ARL17A: variants seen among roughly 807,000 people sequenced by gnomAD.
ARL17A encodes the protein ARF like GTPase 17A.
intron 3 of ARL17A, among the ~76,000 whole-genome samples, chr17:46,568,513 G>A (rs1362285839): frequency 5.4e-5 from 6 of 110,314 alleles, no homozygotes; most frequent in African/African-American, 1.1e-4. Context: ...AAAAAAAAAA[G>A]AGGGGGGGAG....
chr17:46,549,118 G>C (rs754861820), downstream of ARL17A: 7 of 1,611,572 alleles, frequency 4.3e-6, no homozygotes, highest in South Asian at 7.7e-5. Context: ...GAGTCCAAAG[G>C]TCAGAAAGAA....
At chr17:46,541,392 C>T (rs1288873052) in intron 3 of ARL17A, among the ~76,000 whole-genome samples, 1 of 148,086 alleles carries the variant, frequency 6.8e-6, no homozygotes, top group Admixed American at 6.6e-5. Flanking sequence ...GCTGGGATTA[C>T]AGGCGCATGC....
At chr17:46,537,402 C>T (rs1598425957) in intron 4 of ARL17A, 1 of 356 alleles carries the variant, frequency 2.8e-3, no homozygotes, top group South Asian at 8.8e-3. Context: ...CCCCTGACCT[C>T]GTGATCCGCC....
chr17:46,541,670 G>T (rs1380669329), intron 3 of ARL17A, among the ~76,000 whole-genome samples: 1 of 149,766 alleles, frequency 6.7e-6, no homozygotes, highest in Non-Finnish European at 1.5e-5. Context: ...CCATGGATGG[G>T]GAATATTTGG....
intron 4 of ARL17A, among the ~76,000 whole-genome samples, chr17:46,535,141 G>A (rs1350608849): frequency 6.7e-6 from 1 of 148,804 alleles, no homozygotes; most frequent in Non-Finnish European, 1.5e-5. Flanking sequence ...CAATTCTTGA[G>A]CCTCAAGCCT....
At chr17:46,502,163 T>C in the ARL17A span, among the ~76,000 whole-genome samples, 2 of 151,114 alleles carry the variant, frequency 1.3e-5, no homozygotes, top group Admixed American at 6.6e-5. Context: ...AGCATAAAGC[T>C]CATCGCTGAT....
chr17:46,572,948 A>T, intron 2 of ARL17A, among the ~76,000 whole-genome samples: 1 of 104,058 alleles, frequency 9.6e-6, no homozygotes, highest in African/African-American at 4.0e-5. Flanking sequence ...AGGGGAGGGG[A>T]GGGGAGGAAG....
chr17:46,541,612 C>G (rs1322190593), intron 3 of ARL17A, among the ~76,000 whole-genome samples: 1 of 150,888 alleles, frequency 6.6e-6, no homozygotes, highest in Non-Finnish European at 1.5e-5. Flanking sequence ...CCTATCACTA[C>G]AGCTGGCCCT....
chr17:46,518,154 TTTG>T (rs2051669329), intron 3 of ARL17A, among the ~76,000 whole-genome samples: 1 of 127,490 alleles, frequency 7.8e-6, no homozygotes, highest in Admixed American at 9.7e-5. Context: ...GCAAAATAGA[TTTG>T]TTTTGTGGTT....
intron 3 of ARL17A, chr17:46,560,536 A>C (rs1348171973): frequency 2.0e-5 from 1 of 49,046 alleles, no homozygotes; most frequent in Non-Finnish European, 4.6e-5. Context: ...TAGGGCACAA[A>C]CCTAGTCAGG....
At chr17:46,522,436 C>CTTGTTTGT (rs200442940) in intron 3 of ARL17A, among the ~76,000 whole-genome samples, 207 of 120,276 alleles carry the variant, frequency 1.7e-3, no homozygotes, top group Middle Eastern at 3.8e-3. Flanking sequence ...AAATGTGAGA[C>CTTGTTTGT]TTGTTTGTTT....
At chr17:46,500,681 A>G in the ARL17A span, among the ~76,000 whole-genome samples, 2 of 151,156 alleles carry the variant, frequency 1.3e-5, no homozygotes, top group East Asian at 3.9e-4. Flanking sequence ...TTGAGTAGCA[A>G]GGTTGTTTTT....
intron 3 of ARL17A, among the ~76,000 whole-genome samples, chr17:46,543,723 G>A (rs2055839710): frequency 6.6e-6 from 1 of 150,946 alleles, no homozygotes; most frequent in African/African-American, 2.5e-5. Flanking sequence ...GATTCCAGAT[G>A]AAAGTTATAC....
downstream of ARL17A, among the ~76,000 whole-genome samples, chr17:46,550,249 G>A (rs1329641943): frequency 2.8e-5 from 1 of 36,076 alleles, no homozygotes; most frequent in Non-Finnish European, 5.8e-5. Context: ...CAGGGAGGTC[G>A]AGTCTAGTGA....
chr17:46,541,617 G>T (rs1452289363), intron 3 of ARL17A, among the ~76,000 whole-genome samples: 4 of 150,718 alleles, frequency 2.7e-5, no homozygotes, highest in African/African-American at 1.0e-4. Flanking sequence ...CACTACAGCT[G>T]GCCCTCCATA....
At chr17:46,541,668 G>T (rs2039355787) in intron 3 of ARL17A, among the ~76,000 whole-genome samples, 1 of 150,794 alleles carries the variant, frequency 6.6e-6, no homozygotes, top group African/African-American at 2.5e-5. Flanking sequence ...AACCATGGAT[G>T]GGGAATATTT....
Position 46,569,307 on chromosome 17 carries a change from AATT to A in ARL17A, c.259+1449_259+1451del, listed in dbSNP as rs1194275502. ...AAGGACTAGGTGCTAGATATTAAAGAATTATTATTAATTTTGGAGATGTTATAA... is the reference window on the plus strand; with the variant it reads ...AAGGACTAGGTGCTAGATATTAAAGAATTATTAATTTTGGAGATGTTATAA... On this transcript the variant is annotated intron_variant, in intron 3 of 3. Transcript: ENST00000336125. Among the ~76,000 whole-genome samples the A allele has an allele frequency of 2.2e-4, 33 of 149,682 alleles. 1 individual carries two copies. The highest frequency in any genetic ancestry group is 7.0e-4 in the African/African-American group (28 of 40,020).
rs1277137706 is a variant in ARL17A, at chr17:46,545,088, G to A, written c.260-6662C>T. ...CCTGCCTCGTAACCGCAGATGGCCT[G>A]TAATACTAAGTTTGATCACTTGACT... On this transcript the variant is annotated intron_variant, in intron 3 of 4. Coordinates refer to the ARL17A transcript ENST00000329240. 3.0e-5 allele frequency among the ~76,000 whole-genome samples: 4 copies of A among 134,390 alleles called. 1 individual carries two copies. Among genetic ancestry groups the A allele is most frequent in the African/African-American group, 1.2e-4 (4 of 33,186 alleles). The allele number at this position is 134,390 out of a possible 152,430, so 88.2% of individuals were successfully genotyped here. A position where few individuals can be genotyped will look rare whatever the true frequency, so the allele number is the denominator to read the frequency against.
At chr17:46,534,462 C>T (rs1187030911) in intron 4 of ARL17A, among the ~76,000 whole-genome samples, 38 of 148,690 alleles carry the variant, frequency 2.6e-4, no homozygotes, top group Admixed American at 6.0e-4. Flanking sequence ...GCCCTTAATC[C>T]ATTCAACCCT....
Sources: allele counts gnomAD v4.1 joint callset (sites outside exome capture counted in the v4.1 genomes callset), GRCh38; gene constraint gnomAD v4.1.1; transcripts MANE v1.5; gene names NCBI Gene and HGNC (gene_info 2026-07-23, HGNC 2026-07-21).